The following MAML3 variants were observed in gnomAD, a reference collection of about 807,000 sequenced individuals.
MAML3 encodes mastermind-like protein 3.
Under a neutral mutation model 101.9 loss-of-function variants are expected in MAML3, and 27 were observed. That is an observed-to-expected ratio of 0.27 (90% CI 0.20 to 0.37). The LOEUF (loss-of-function observed/expected upper bound fraction) is 0.37. MAML3 is among the 10% of genes least tolerant of loss of function. MAML3 has a pLI of 1.00. For missense variants in MAML3, 1,316 were observed against 1,444.9 expected, an observed-to-expected ratio of 0.91 and a Z score of 1.45; for synonymous variants, 501 against 555.9, an observed-to-expected ratio of 0.90 and a Z score of 1.39.
At chr4:139,916,697 A>G (rs56023796) in intron 1 of MAML3, among the ~76,000 whole-genome samples, 6,215 of 152,212 alleles carry the variant, frequency 0.041, 405 homozygotes, top group African/African-American at 0.14. Context: ...AGGTCTTTCT[A>G]TTTTTCTTTA....
At chr4:139,739,681 T>TTCTC (rs1299647907) in intron 2 of MAML3, among the ~76,000 whole-genome samples, 1 of 137,212 alleles carries the variant, frequency 7.3e-6, no homozygotes, top group African/African-American at 2.9e-5. Flanking sequence ...GGAAAGCAGT[T>TTCTC]TTTTTTTTTT....
At chr4:139,772,267 A>AAAT (rs1730010485) in intron 2 of MAML3, among the ~76,000 whole-genome samples, 2 of 139,134 alleles carry the variant, frequency 1.4e-5, no homozygotes, top group African/African-American at 5.1e-5. Flanking sequence ...AAAAAAAAAA[A>AAAT]GGTAAAAGGA....
At chr4:139,788,970 G>C (rs566054982) in intron 2 of MAML3, among the ~76,000 whole-genome samples, 1 of 152,312 alleles carries the variant, frequency 6.6e-6, no homozygotes, top group South Asian at 2.1e-4. Flanking sequence ...GGGAAGAAGA[G>C]GAGGAAAGAA....
At chr4:139,873,573 A>G (rs114761441) in intron 2 of MAML3, among the ~76,000 whole-genome samples, 381 of 152,322 alleles carry the variant, frequency 2.5e-3, no homozygotes, top group African/African-American at 8.9e-3. Context: ...TGATTTCGAT[A>G]GTATGTCATG....
chr4:139,849,369 A>C (rs1731508676), intron 2 of MAML3, among the ~76,000 whole-genome samples: 1 of 152,238 alleles, frequency 6.6e-6, no homozygotes, highest in South Asian at 2.1e-4. Flanking sequence ...ATTGGTCCCT[A>C]GGAACTTCCT....
chr4:140,147,950 G>A (rs540835705), intron 1 of MAML3, among the ~76,000 whole-genome samples: 30 of 152,240 alleles, frequency 2.0e-4, no homozygotes, highest in Non-Finnish European at 4.1e-4. Flanking sequence ...GCATGCATGA[G>A]AGAGAGAAAT....
Position 139,725,764 on chromosome 4 carries a change from G to T in MAML3, c.2403C>A (p.Val801=). Residue 801 remains valine (V), a synonymous_variant, in exon 4 of 5, where the codon GTC becomes GTA. Transcript: ENST00000509479. ...PQRNPYPVQQ[V]NQFQGSPQDI... The stretch of plus-strand genomic sequence containing the variant: ...CACTGGCCTCACCTTGAAACTGATT[G>T]ACCTGCTGCACTGGGTATGGATTCC... 2 of 1,613,910 alleles carry T rather than the reference G, an allele frequency of 1.2e-6. No individual in the cohort carries two copies. Among genetic ancestry groups the T allele is most frequent in the South Asian group, 2.2e-5 (2 of 91,060 alleles).
At chr4:140,110,635 A>G (rs1728425522) in intron 1 of MAML3, among the ~76,000 whole-genome samples, 1 of 152,232 alleles carries the variant, frequency 6.6e-6, no homozygotes. Context: ...GAGTAATTAA[A>G]TTTAAAGGCA....
intron 1 of MAML3, among the ~76,000 whole-genome samples, chr4:139,963,893 T>C (rs1734074870): frequency 6.6e-6 from 1 of 152,200 alleles, no homozygotes; most frequent in African/African-American, 2.4e-5. Context: ...TGATGATGGC[T>C]ATGTTCCACA....
At chr4:139,943,219 A>G (rs1733638978) in intron 1 of MAML3, among the ~76,000 whole-genome samples, 1 of 152,214 alleles carries the variant, frequency 6.6e-6, no homozygotes, top group African/African-American at 2.4e-5. Context: ...CTCTTACAGA[A>G]GAGATGAAGT....
chr4:139,804,336 G>A (rs1034375616), intron 2 of MAML3, among the ~76,000 whole-genome samples: 1 of 150,554 alleles, frequency 6.6e-6, no homozygotes, highest in South Asian at 2.1e-4. Context: ...GCGTGATCTT[G>A]ACTCACTGCA....
In MAML3 at chr4:140,152,936, T is replaced by TTGCCGG. The variant is rs1159061106; in HGVS notation, c.386_391dup (p.Thr129_Gly130dup). The TTGCCGG allele has an allele frequency of 6.2e-7, 1 of 1,612,784 alleles. No homozygotes were observed. Among genetic ancestry groups the TTGCCGG allele is most frequent in the Non-Finnish European group, 8.5e-7 (1 of 1,179,642 alleles). Reference sequence around the variant, plus strand: ...CTGGGGTTTGCTCGGGTGCTGCTGTTTGCCGGTGCCGGCGCCCGATTTCTT... The same window carrying TTGCCGG: ...CTGGGGTTTGCTCGGGTGCTGCTGTTTGCCGGTGCCGGTGCCGGCGCCCGATTTCTT... On this transcript the variant is annotated inframe_insertion, in exon 1 of 5. Transcript: ENST00000509479.
chr4:139,837,126 A>G (rs1731268469), intron 2 of MAML3, among the ~76,000 whole-genome samples: 1 of 139,982 alleles, frequency 7.1e-6, no homozygotes, highest in Admixed American at 7.0e-5. Context: ...CTGTCTCAAA[A>G]AAAAAAAAAA....
intron 1 of MAML3, among the ~76,000 whole-genome samples, chr4:139,953,319 G>C (rs981187628): frequency 6.6e-6 from 1 of 152,092 alleles, no homozygotes; most frequent in East Asian, 1.9e-4. Context: ...TATGTTAACC[G>C]CTCAAAAGTT....
At chr4:140,094,811 G>T (rs1030531010) in intron 1 of MAML3, among the ~76,000 whole-genome samples, 12 of 152,186 alleles carry the variant, frequency 7.9e-5, no homozygotes, top group African/African-American at 2.9e-4. Flanking sequence ...ATGTTTCTCA[G>T]CTGATCAATA....
intron 2 of MAML3, among the ~76,000 whole-genome samples, chr4:139,784,679 AC>A (rs1470465479): frequency 2.3e-4 from 35 of 152,296 alleles, no homozygotes; most frequent in African/African-American, 8.4e-4. Context: ...CCCCCAATGT[AC>A]TATTCTCTCC....
At chr4:140,009,658 T>C (rs1159476101) in intron 1 of MAML3, among the ~76,000 whole-genome samples, 1 of 152,236 alleles carries the variant, frequency 6.6e-6, no homozygotes, top group Non-Finnish European at 1.5e-5. Flanking sequence ...CAAGATTTAA[T>C]TGCATTGATT....
chr4:139,735,357 A>G lies in MAML3; in HGVS notation c.2080-4690T>C, dbSNP rs1728891979. On this transcript the variant is annotated intron_variant, in intron 2 of 4. Coordinates refer to ENST00000509479, the MANE Select transcript of MAML3 (RefSeq NM_018717.5). This position sits in a 1 kb window ranked among gnomAD's most constrained non-coding sequence, Gnocchi z 5.8. ...ACACTGAACTGGTTTCTCATTACCG[A>G]CTTTTCTTCCAGCCGGAGGGGAGGA... Among the ~76,000 whole-genome samples the G allele has an allele frequency of 6.6e-6, 1 of 151,700 alleles. No individual in the cohort carries two copies. Among genetic ancestry groups the G allele is most frequent in the Non-Finnish European group, 1.5e-5 (1 of 67,976 alleles).
chr4:140,039,901 A>G (rs1727052301), intron 1 of MAML3, among the ~76,000 whole-genome samples: 1 of 152,192 alleles, frequency 6.6e-6, no homozygotes, highest in Non-Finnish European at 1.5e-5. Flanking sequence ...AAATGGAAAC[A>G]CGCAGGAAGT....
Sources: allele counts gnomAD v4.1 joint callset (sites outside exome capture counted in the v4.1 genomes callset), GRCh38; gene constraint gnomAD v4.1.1; non-coding constraint Gnocchi (gnomAD v3.1); transcripts MANE v1.5; gene names NCBI Gene and HGNC (gene_info 2026-07-23, HGNC 2026-07-21).